SNTG2: variants seen among roughly 807,000 people sequenced by gnomAD.
SNTG2 encodes gamma-2-syntrophin.
Under a neutral mutation model 70.9 loss-of-function variants are expected in SNTG2, and 74 were observed. The ratio of observed to expected loss-of-function variants is 1.04; its 90% CI spans 0.86 to 1.27. The LOEUF is 1.27. Ranked by LOEUF, SNTG2 falls within the 50% of genes most tolerant of loss-of-function variation. The pLI is 0.00. For missense variants in SNTG2, 717 were observed against 690.7 expected, an observed-to-expected ratio of 1.04 and a Z score of -0.43; for synonymous variants, 278 against 273.8, an observed-to-expected ratio of 1.02 and a Z score of -0.15.
intron 16 of SNTG2, among the ~76,000 whole-genome samples, chr2:1,358,391 G>A (rs200252211): frequency 1.7e-5 from 2 of 119,122 alleles, no homozygotes; most frequent in African/African-American, 3.1e-5. Flanking sequence ...TTTTTTTTTT[G>A]TACTAACTTT....
chr2:1,113,163 T>A (rs1200460254), intron 4 of SNTG2, among the ~76,000 whole-genome samples: 1 of 151,756 alleles, frequency 6.6e-6, no homozygotes, highest in East Asian at 2.0e-4. Context: ...TCGTGGGTAC[T>A]AAGTGAGGTT....
chr2:1,147,738 A>G (rs573214033), intron 6 of SNTG2, among the ~76,000 whole-genome samples: 1 of 152,350 alleles, frequency 6.6e-6, no homozygotes, highest in South Asian at 2.1e-4. Flanking sequence ...ACAGGGAAGG[A>G]AATCTTTGAT....
intron 14 of SNTG2, among the ~76,000 whole-genome samples, chr2:1,288,259 C>G (rs1254593196): frequency 6.6e-6 from 1 of 152,180 alleles, no homozygotes; most frequent in Non-Finnish European, 1.5e-5. Context: ...GTGCACAGAT[C>G]TGACATCATA....
At chr2:1,301,068 T>C (rs80121975) in intron 14 of SNTG2, among the ~76,000 whole-genome samples, 1,991 of 152,118 alleles carry the variant, frequency 0.013, 44 homozygotes, top group African/African-American at 0.046. Flanking sequence ...TAAAATGGGA[T>C]GGCTTTAGAC....
intron 8 of SNTG2, among the ~76,000 whole-genome samples, chr2:1,198,827 A>G (rs1673089797): frequency 6.6e-6 from 1 of 152,110 alleles, no homozygotes; most frequent in Non-Finnish European, 1.5e-5. Context: ...CCAAGATTGA[A>G]CCATGAAAAA....
rs186405577 is a variant in SNTG2, at chr2:1,317,879, C to T, written c.1488+1504C>T. Among the ~76,000 whole-genome samples, 3 of 152,274 alleles carry T rather than the reference C, an allele frequency of 2.0e-5. 1 individual carries two copies. In the East Asian group the frequency reaches 5.8e-4, roughly 29 times the overall value. On this transcript the variant is annotated intron_variant, in intron 16 of 16. Coordinates refer to ENST00000308624, the MANE Select transcript of SNTG2 (RefSeq NM_018968.4). ...GACGTTTATATCCTAAAATGGTGAC[C>T]ATTGAAACAAAGTATTTGATTTTAC...
intron 1 of SNTG2, among the ~76,000 whole-genome samples, chr2:1,040,566 A>G (rs1361197677): frequency 6.6e-6 from 1 of 152,212 alleles, no homozygotes; most frequent in Admixed American, 6.5e-5. Flanking sequence ...TCTGCCGGCC[A>G]TTGCCGAAAT....
chr2:1,057,758 G>A (rs991011717), intron 1 of SNTG2, among the ~76,000 whole-genome samples: 1 of 152,076 alleles, frequency 6.6e-6, no homozygotes, highest in African/African-American at 2.4e-5. Flanking sequence ...ATCACAAGTG[G>A]CAAAATATAA....
intron 6 of SNTG2, among the ~76,000 whole-genome samples, chr2:1,152,600 G>A (rs897537110): frequency 7.8e-6 from 1 of 127,938 alleles, no homozygotes; most frequent in African/African-American, 3.7e-5. Context: ...ACATGTGCAT[G>A]TGTGTATGTG....
chr2:1,281,784 CAG>C (rs1679558382), intron 14 of SNTG2, among the ~76,000 whole-genome samples: 1 of 152,112 alleles, frequency 6.6e-6, no homozygotes, highest in South Asian at 2.1e-4. Context: ...AGTTCACAGA[CAG>C]GGGACCCTTG....
chr2:1,313,323 G>A (rs1367858858), intron 15 of SNTG2, among the ~76,000 whole-genome samples: 2 of 152,290 alleles, frequency 1.3e-5, no homozygotes, highest in Non-Finnish European at 1.5e-5. Flanking sequence ...CTAAAAATCC[G>A]GCTTCCCTTC....
intron 16 of SNTG2, among the ~76,000 whole-genome samples, chr2:1,342,040 C>G (rs572950335): frequency 1.3e-5 from 2 of 152,186 alleles, no homozygotes; most frequent in East Asian, 3.9e-4. Context: ...GAACAACATG[C>G]TGTAGCCTGG....
intron 9 of SNTG2, 140 bp from the exon 10 acceptor site, chr2:1,237,748 G>A: frequency 1.9e-6 from 2 of 1,068,760 alleles, no homozygotes; most frequent in Non-Finnish European, 2.6e-6. Context: ...TGACTGTACT[G>A]AGGCGCCTGA....
chr2:1,137,258 C>T (rs956269859), intron 4 of SNTG2, among the ~76,000 whole-genome samples: 5 of 151,854 alleles, frequency 3.3e-5, no homozygotes, highest in Non-Finnish European at 7.4e-5. Context: ...TGCAAATACC[C>T]GTGCATGCCG....
intron 1 of SNTG2, among the ~76,000 whole-genome samples, chr2:963,122 T>G (rs1380991295): frequency 2.0e-5 from 3 of 151,992 alleles, no homozygotes; most frequent in African/African-American, 7.3e-5. Context: ...CAGACTATGA[T>G]TTGAGCTTTT....
intron 16 of SNTG2, among the ~76,000 whole-genome samples, chr2:1,329,534 G>A (rs749959493): frequency 1.1e-4 from 16 of 152,180 alleles, no homozygotes; most frequent in Non-Finnish European, 2.2e-4. Context: ...AAATCTTCCA[G>A]GGTCTCACTT....
intron 8 of SNTG2, among the ~76,000 whole-genome samples, chr2:1,176,603 A>G (rs1671492346): frequency 6.6e-6 from 1 of 152,154 alleles, no homozygotes; most frequent in South Asian, 2.1e-4. Context: ...TCTGTCTGAC[A>G]AAGGTCTAAT....
rs1660457393 is a variant in SNTG2, at chr2:1,349,280, G to A, written c.1489-18063G>A. Reference sequence around the variant, plus strand: ...GTCTGAAAAACTATCTCAAACACCAGTCTTAGTCTTTACAATAGTGATGTT... The same window carrying A: ...GTCTGAAAAACTATCTCAAACACCAATCTTAGTCTTTACAATAGTGATGTT... On this transcript the variant is annotated intron_variant, in intron 16 of 16. Coordinates refer to ENST00000308624, the MANE Select transcript of SNTG2 (RefSeq NM_018968.4). Among the ~76,000 whole-genome samples the A allele has an allele frequency of 2.0e-5, 3 of 152,168 alleles. 1 individual carries two copies. In the South Asian group the frequency reaches 6.2e-4, roughly 31 times the overall value.
At chr2:1,006,823 C>T (rs190423772) in intron 1 of SNTG2, among the ~76,000 whole-genome samples, 2 of 152,040 alleles carry the variant, frequency 1.3e-5, no homozygotes, top group Non-Finnish European at 2.9e-5. Flanking sequence ...GTCAGAAGAT[C>T]GAGACCAGCC....
Sources: gnomAD v4.1 joint callset for allele counts (sites outside exome capture counted in the v4.1 genomes callset) on GRCh38, gnomAD v4.1.1 for gene constraint, MANE v1.5 for transcripts, NCBI Gene and HGNC (gene_info 2026-07-23, HGNC 2026-07-21) for gene names.